Variants in MAD1L1 observed in about 807,000 individuals in gnomAD.
MAD1L1 encodes mitotic spindle assembly checkpoint protein MAD1.
In MAD1L1, 95 loss-of-function variants were observed where a neutral mutation model predicts 96.9. The ratio of observed to expected loss-of-function variants is 0.98; its 90% confidence interval spans 0.83 to 1.16. MAD1L1 has a LOEUF of 1.16. Among genes scored for constraint, MAD1L1 ranks in the 50% most tolerant of loss-of-function variants. The pLI is 0.00. For missense variants in MAD1L1, 1,007 were observed against 954.4 expected, an observed-to-expected ratio of 1.06 and a Z score of -0.73; for synonymous variants, 473 against 396.6, an observed-to-expected ratio of 1.19 and a Z score of -2.29.
intron 16 of MAD1L1, among the ~76,000 whole-genome samples, chr7:1,956,819 TCAAGCCTCAA>T (rs1779748806): frequency 6.6e-6 from 1 of 152,174 alleles, no homozygotes; most frequent in African/African-American, 2.4e-5. Flanking sequence ...CTCACCTCAT[TCAAGCCTCAA>T]CAAGCTCCAA....
At chr7:1,839,630 G>A (rs1292126958) in intron 18 of MAD1L1, among the ~76,000 whole-genome samples, 5 of 152,206 alleles carry the variant, frequency 3.3e-5, no homozygotes, top group Admixed American at 2.0e-4. Context: ...CAGTTTAAAC[G>A]CGCGAGATGG....
At chr7:1,859,365 G>A (rs1418983213) in intron 18 of MAD1L1, among the ~76,000 whole-genome samples, 6 of 152,172 alleles carry the variant, frequency 3.9e-5, no homozygotes, top group East Asian at 1.9e-4. Flanking sequence ...GCATCTCCCC[G>A]TTGATTCCAA....
At chr7:2,090,302 G>A (rs1331945810) in intron 11 of MAD1L1, among the ~76,000 whole-genome samples, 1 of 152,186 alleles carries the variant, frequency 6.6e-6, no homozygotes, top group African/African-American at 2.4e-5. Flanking sequence ...CTGGTTCTGC[G>A]GTCGCTTGCT....
At chr7:2,229,913 G>C (rs971988864) in intron 3 of MAD1L1, 71 bp downstream of exon 3, 1 of 1,520,516 alleles carries the variant, frequency 6.6e-7, no homozygotes, top group African/African-American at 1.4e-5. Context: ...AACTACAGAA[G>C]ACTGGAAGAG....
chr7:1,880,506 C>T (rs1452974128), intron 18 of MAD1L1, among the ~76,000 whole-genome samples: 2 of 152,214 alleles, frequency 1.3e-5, no homozygotes, highest in Non-Finnish European at 2.9e-5. Flanking sequence ...CCAAAGTCCT[C>T]CCCTCCTTGA....
rs549750389 is a variant in MAD1L1 at position 1,815,968 on chromosome 7, G to T, written c.*102C>A. The T allele has an allele frequency of 3.0e-6, 4 of 1,332,400 alleles. No individual in the cohort carries two copies. Among genetic ancestry groups the T allele is most frequent in the East Asian group, 5.0e-5 (2 of 39,714 alleles). The allele number at this position is 1,332,400 out of a possible 1,614,324, so 82.5% of individuals were successfully genotyped here. A position where few individuals can be genotyped will look rare whatever the true frequency, so the allele number is the denominator to read the frequency against. On this transcript the variant is annotated 3_prime_UTR_variant, in exon 19 of 19. Transcript: ENST00000265854. ...GTCAGTCATGCTGCTGCCCTGTGGG[G>T]CTGGAGAGGCAGGACGTGCACCCAG...
At chr7:1,833,018 A>G (rs1304524839) in intron 18 of MAD1L1, among the ~76,000 whole-genome samples, 2 of 152,150 alleles carry the variant, frequency 1.3e-5, no homozygotes, top group South Asian at 2.1e-4. Context: ...CCATCAAAGC[A>G]AGAACCTCCA....
intron 11 of MAD1L1, among the ~76,000 whole-genome samples, chr7:2,147,831 G>A (rs1311028497): frequency 6.6e-6 from 1 of 152,264 alleles, no homozygotes; most frequent in African/African-American, 2.4e-5. Flanking sequence ...AGATGCGAAT[G>A]TTCCCTTCCG....
At chr7:2,147,766 C>T (rs1430069167) in intron 11 of MAD1L1, among the ~76,000 whole-genome samples, 6 of 152,362 alleles carry the variant, frequency 3.9e-5, no homozygotes, top group African/African-American at 1.4e-4. Flanking sequence ...AACCAATCCC[C>T]CCATGGGCTC....
intron 10 of MAD1L1, among the ~76,000 whole-genome samples, chr7:2,207,381 A>G (rs1265073129): frequency 6.6e-6 from 1 of 152,180 alleles, no homozygotes; most frequent in African/African-American, 2.4e-5. Context: ...CCGAAACACC[A>G]AGGTGAGATT....
intron 17 of MAD1L1, among the ~76,000 whole-genome samples, chr7:1,919,162 G>C (rs1489337444): frequency 6.6e-6 from 1 of 152,242 alleles, no homozygotes; most frequent in Non-Finnish European, 1.5e-5. Flanking sequence ...ACTGCCCCAG[G>C]ACCTGGGCCG....
At chr7:1,996,994 G>A (rs1315656993) in intron 14 of MAD1L1, among the ~76,000 whole-genome samples, 1 of 152,194 alleles carries the variant, frequency 6.6e-6, no homozygotes, top group Non-Finnish European at 1.5e-5. Context: ...CAGCCACTGC[G>A]GGCCTAGCTA....
intron 10 of MAD1L1, among the ~76,000 whole-genome samples, chr7:2,192,220 T>G (rs1270110554): frequency 4.6e-5 from 7 of 151,312 alleles, no homozygotes; most frequent in Non-Finnish European, 8.8e-5. Context: ...AATCTCTACC[T>G]CCTGGGTTCA....
chr7:1,859,457 G>C (rs1002498298), intron 18 of MAD1L1, among the ~76,000 whole-genome samples: 1 of 152,232 alleles, frequency 6.6e-6, no homozygotes, highest in Non-Finnish European at 1.5e-5. Context: ...TGAAAAGTCA[G>C]TGCTGCCCAC....
At position 1,847,344 on chromosome 7, in the gene MAD1L1, C is replaced by T. The variant is rs115879993; in HGVS notation, c.1999-31116G>A. The T allele has an allele frequency of 5.7e-3, 2,685 of 471,068 alleles. 55 individuals carry two copies. Among genetic ancestry groups the T allele is most frequent in the African/African-American group, 0.047 (2,364 of 50,196 alleles). 29.2% of individuals were successfully genotyped at this position (471,068 alleles called of 1,614,324 possible). ...CAAACCAGGCATGGCAGGCGGTGCT[C>T]GCGGAGGTACCACGGGGCGGACCAG... On this transcript the variant is annotated intron_variant, in intron 18 of 18. Transcript: ENST00000265854.
intron 18 of MAD1L1, among the ~76,000 whole-genome samples, chr7:1,863,424 G>A (rs1784626053): frequency 6.6e-6 from 1 of 152,250 alleles, no homozygotes; most frequent in Admixed American, 6.5e-5. Flanking sequence ...AGACCTCGCG[G>A]TCCACTGAGG....
chr7:1,858,998 G>A lies in MAD1L1; in HGVS notation c.1998+39202C>T, dbSNP rs189618413. Among the ~76,000 whole-genome samples, 20 of 152,304 alleles carry A rather than the reference G, an allele frequency of 1.3e-4. No homozygotes were observed. In the South Asian group the frequency reaches 1.5e-3, roughly 11 times the overall value. On this transcript the variant is annotated intron_variant, in intron 18 of 18. Coordinates refer to ENST00000265854, the MANE Select transcript of MAD1L1 (RefSeq NM_001013836.2). ...CAGACACAGCTCAGATCTGGGGGGC[G>A]TCCCCCGACTCGGCCTGCATGGGAG...
chr7:2,051,748 C>T (rs1298239985), intron 12 of MAD1L1, among the ~76,000 whole-genome samples: 2 of 141,938 alleles, frequency 1.4e-5, no homozygotes, highest in Admixed American at 1.4e-4. Flanking sequence ...TGCTTTCCAC[C>T]CCCCACCACC....
At chr7:2,216,401 T>C in intron 7 of MAD1L1, 114 bp from the exon 8 acceptor site, 4 of 1,040,862 alleles carry the variant, frequency 3.8e-6, no homozygotes, top group Non-Finnish European at 5.5e-6. Flanking sequence ...CTATACACAC[T>C]GCAGGATCCA....
Sources: allele counts gnomAD v4.1 joint callset (sites outside exome capture counted in the v4.1 genomes callset), GRCh38; gene constraint gnomAD v4.1.1; transcripts MANE v1.5; gene names NCBI Gene and HGNC (gene_info 2026-07-23, HGNC 2026-07-21).